The following FSHR variants were observed in gnomAD, a reference collection of about 807,000 sequenced individuals.
FSHR encodes the protein follicle stimulating hormone receptor.
Under a neutral mutation model 52.1 loss-of-function variants are expected in FSHR, and 46 were observed. The ratio of observed to expected loss-of-function variants is 0.88; its 90% CI spans 0.70 to 1.13. FSHR has a LOEUF of 1.13. FSHR is among the 50% of genes most tolerant of loss of function. FSHR has a pLI of 0.00. For missense variants in FSHR, 964 were observed against 834.6 expected (o/e 1.16, Z -1.91); for synonymous variants, 399 against 309.6 (o/e 1.29, Z -3.03).
Position 49,154,335 on chromosome 2 carries a change from C to T in FSHR, c.83G>A (p.Arg28Lys). The T allele has an allele frequency of 6.2e-7, 1 of 1,613,872 alleles. No homozygotes were observed. Among genetic ancestry groups the T allele is most frequent in the East Asian group, 2.2e-5 (1 of 44,852 alleles). The change falls in exon 1 of 10, where the codon AGG (arginine) becomes AAG (lysine). Residue 28 changes from arginine to lysine, a missense_variant. By Grantham distance (26) the Arg-to-Lys change is conservative (BLOSUM62 2). Coordinates refer to ENST00000406846, the MANE Select transcript of FSHR (RefSeq NM_000145.4). ...CHHRICHCSN[R>K]VFLCQESKVT... The stretch of plus-strand genomic sequence containing the variant: ...CTTGCTCTCTTGGCAGAGAAAAACC[C>T]TGTTAGAGCAGTGACAGATCCGATG...
rs550555677 is a variant in FSHR at position 49,070,375 on chromosome 2, T to C, written c.153-2085A>G. 1.2e-3 allele frequency among the ~76,000 whole-genome samples: 178 copies of C among 152,276 alleles called. 2 individuals carry two copies. Among genetic ancestry groups the C allele is most frequent in the Non-Finnish European group, 1.7e-3 (117 of 68,014 alleles). ...TACTTCTAGAATATCTATCTAAAAT[T>C]AATCAAAGTTAGCTCAACACCCTAC... On this transcript the variant is annotated intron_variant, in intron 1 of 9. Transcript: ENST00000406846.
chr2:49,025,563 C>T (rs148509616), intron 2 of FSHR, among the ~76,000 whole-genome samples: 6 of 151,986 alleles, frequency 3.9e-5, no homozygotes, highest in African/African-American at 9.7e-5. Flanking sequence ...ATATATATGT[C>T]ATGTATAAGA....
chr2:49,137,493 C>T (rs1355396580), intron 1 of FSHR, among the ~76,000 whole-genome samples: 4 of 151,972 alleles, frequency 2.6e-5, no homozygotes, highest in African/African-American at 7.2e-5. Context: ...CAGGCTGATT[C>T]TAAAATATAT....
At chr2:49,021,732 GCTC>G (rs942614560) in intron 2 of FSHR, among the ~76,000 whole-genome samples, 1 of 150,712 alleles carries the variant, frequency 6.6e-6, no homozygotes, top group African/African-American at 2.4e-5. Context: ...TGTGAGAAGA[GCTC>G]CTCTTATTCC....
rs1233924657 is a variant in FSHR, at chr2:49,017,573, A to G, written c.300-10T>C. The G allele has an allele frequency of 6.3e-7, 1 of 1,599,204 alleles. No homozygotes were observed. Among genetic ancestry groups the G allele is most frequent in the Non-Finnish European group, 8.6e-7 (1 of 1,166,744 alleles). On this transcript the variant is annotated splice_polypyrimidine_tract_variant and intron_variant, in intron 3 of 9. Coordinates refer to ENST00000406846, the MANE Select transcript of FSHR (RefSeq NM_000145.4). ...GGCCTTTTCAATTCTACTGTAAAAG[A>G]AGAAAAAACATGCTAGTGATCTTGA...
intron 1 of FSHR, among the ~76,000 whole-genome samples, chr2:49,109,096 GA>G (rs1671337185): frequency 1.3e-5 from 2 of 152,222 alleles, no homozygotes; most frequent in Admixed American, 1.3e-4. Context: ...GGTATGCAGG[GA>G]ATATCTTGGA....
At chr2:49,112,054 AT>A (rs944845219) in intron 1 of FSHR, among the ~76,000 whole-genome samples, 7 of 151,902 alleles carry the variant, frequency 4.6e-5, no homozygotes, top group African/African-American at 1.7e-4. Context: ...TCTCTTACAC[AT>A]TTTTTTTCAC....
chr2:49,148,136 C>G (rs1019124420), intron 1 of FSHR, among the ~76,000 whole-genome samples: 2 of 151,976 alleles, frequency 1.3e-5, no homozygotes, highest in African/African-American at 4.8e-5. Flanking sequence ...AATCACTTTC[C>G]TCTTTTCGAT....
At chr2:49,116,214 G>C (rs1196353674) in intron 1 of FSHR, among the ~76,000 whole-genome samples, 2 of 152,118 alleles carry the variant, frequency 1.3e-5, no homozygotes, top group African/African-American at 4.8e-5. Context: ...GGGAAATTTG[G>C]ACTTTGTCCT....
chr2:48,991,763 C>T (rs1027959204), intron 4 of FSHR, among the ~76,000 whole-genome samples: 1 of 152,212 alleles, frequency 6.6e-6, no homozygotes, highest in Non-Finnish European at 1.5e-5. Flanking sequence ...ATTTCTCTAA[C>T]ACCTGTGAGT....
intron 1 of FSHR, among the ~76,000 whole-genome samples, chr2:49,124,062 G>A (rs1671912426): frequency 1.3e-5 from 2 of 151,238 alleles, no homozygotes; most frequent in Admixed American, 6.6e-5. Context: ...TCGGCTCACT[G>A]CATCCTCCAC....
chr2:49,149,736 A>C (rs1672996118), intron 1 of FSHR, among the ~76,000 whole-genome samples: 1 of 152,072 alleles, frequency 6.6e-6, no homozygotes, highest in Non-Finnish European at 1.5e-5. Context: ...TGGAATATGG[A>C]GATCTAAACC....
At chr2:49,077,997 C>A (rs999709166) in intron 1 of FSHR, among the ~76,000 whole-genome samples, 6 of 152,156 alleles carry the variant, frequency 3.9e-5, no homozygotes, top group African/African-American at 9.7e-5. Flanking sequence ...CTGTTTCCAA[C>A]CTCTGCCTGT....
At chr2:49,016,453 T>C (rs886904769) in intron 4 of FSHR, among the ~76,000 whole-genome samples, 1 of 152,124 alleles carries the variant, frequency 6.6e-6, no homozygotes, top group African/African-American at 2.4e-5. Flanking sequence ...TTCAGCTGTC[T>C]CTCTTAGAAC....
chr2:49,068,267 C>G lies in FSHR; in HGVS notation c.176G>C (p.Arg59Pro). Reference sequence around the variant, plus strand: ...TGAAAATGCACCTTTTTGGATGACTCGAAGCTTGGTGAGGACAAACCTCCT... The same window carrying G: ...TGAAAATGCACCTTTTTGGATGACTGGAAGCTTGGTGAGGACAAACCTCCT... ...IELRFVLTKL[R>P]VIQKGAFSGF... The change falls in exon 2 of 10, where the codon CGA becomes CCA. Residue 59 changes from arginine to proline, a missense_variant. Coordinates refer to ENST00000406846, the MANE Select transcript of FSHR (RefSeq NM_000145.4). 1 of 1,611,350 alleles carries G rather than the reference C, an allele frequency of 6.2e-7. No homozygotes were observed. The highest frequency in any genetic ancestry group is 8.5e-7 in the Non-Finnish European group (1 of 1,178,584).
chr2:49,112,589 T>A (rs188018142), intron 1 of FSHR, among the ~76,000 whole-genome samples: 1 of 152,312 alleles, frequency 6.6e-6, no homozygotes, highest in East Asian at 1.9e-4. Flanking sequence ...GAAACCCATG[T>A]CTTTGAAGTC....
At chr2:49,043,180 T>C (rs767619016) in intron 2 of FSHR, among the ~76,000 whole-genome samples, 9 of 151,988 alleles carry the variant, frequency 5.9e-5, no homozygotes, top group African/African-American at 2.2e-4. Context: ...AATTTTACTG[T>C]ATCCTCTTCA....
chr2:49,093,595 C>CCTTTT (rs1553344384), intron 1 of FSHR, among the ~76,000 whole-genome samples: 6 of 132,946 alleles, frequency 4.5e-5, no homozygotes, highest in Admixed American at 7.9e-5. Flanking sequence ...TTATATTTAT[C>CCTTTT]TTTTTTTTTT....
In FSHR at chr2:49,037,689, C is replaced by T. The variant is rs149153548; in HGVS notation, c.225-17529G>A. Among the ~76,000 whole-genome samples, 537 of 151,984 alleles carry T rather than the reference C, an allele frequency of 3.5e-3. 7 individuals carry two copies. Among genetic ancestry groups the T allele is most frequent in the East Asian group, 0.026 (136 of 5,172 alleles). On this transcript the variant is annotated intron_variant, in intron 2 of 9. Coordinates refer to ENST00000406846, the MANE Select transcript of FSHR (RefSeq NM_000145.4). ...GACTGAATAATAGAATAGCTATAAA[C>T]AATGAAATTAATGAATTGGAAAATG...
Sources: gnomAD v4.1 joint callset for allele counts (sites outside exome capture counted in the v4.1 genomes callset) on GRCh38, gnomAD v4.1.1 for gene constraint, MANE v1.5 for transcripts, NCBI Gene and HGNC (gene_info 2026-07-23, HGNC 2026-07-21) for gene names.